PRKCA: variants seen among roughly 807,000 people sequenced by gnomAD.
PRKCA encodes protein kinase C alpha, also known as protein kinase C alpha type.
In PRKCA, 27 loss-of-function variants were observed where a neutral mutation model predicts 87.0. The ratio of observed to expected loss-of-function variants is 0.31; its 90% CI spans 0.23 to 0.43. The LOEUF is 0.43. PRKCA is among the 20% of genes least tolerant of loss of function. The probability of loss-of-function intolerance (pLI) is 1.00; values close to 1 mark genes in which losing one functional copy is unlikely to be tolerated. For missense variants in PRKCA, 518 were observed against 852.3 expected, an observed-to-expected ratio of 0.61 and a Z score of 4.88; for synonymous variants, 329 against 311.1, an observed-to-expected ratio of 1.06 and a Z score of -0.61.
At chr17:66,618,996 T>C (rs1243304218) in intron 3 of PRKCA, among the ~76,000 whole-genome samples, 1 of 152,218 alleles carries the variant, frequency 6.6e-6, no homozygotes, top group African/African-American at 2.4e-5. Context: ...GTTGATCTCA[T>C]TGGGCATAAT....
chr17:66,613,897 C>T (rs182851992), intron 3 of PRKCA, among the ~76,000 whole-genome samples: 2 of 145,500 alleles, frequency 1.4e-5, no homozygotes, highest in East Asian at 4.1e-4. Context: ...ATTCTTGTGC[C>T]TCAGCCTCCC....
intron 2 of PRKCA, among the ~76,000 whole-genome samples, chr17:66,472,791 A>G (rs967923456): frequency 8.5e-5 from 13 of 152,196 alleles, no homozygotes; most frequent in Admixed American, 3.3e-4. Context: ...CTCGAGTTCC[A>G]TGGGAAATGA....
At chr17:66,455,428 G>A (rs1207710568) in intron 2 of PRKCA, among the ~76,000 whole-genome samples, 1 of 152,156 alleles carries the variant, frequency 6.6e-6, no homozygotes, top group Non-Finnish European at 1.5e-5. Flanking sequence ...GTCCCCCGAA[G>A]CACTTTGAAC....
chr17:66,724,788 C>T (rs140168969), intron 8 of PRKCA, among the ~76,000 whole-genome samples: 19 of 152,268 alleles, frequency 1.2e-4, no homozygotes, highest in Non-Finnish European at 2.6e-4. Flanking sequence ...TATCCCTAGA[C>T]GTATATTGAT....
chr17:66,351,391 T>C (rs1307593668), intron 2 of PRKCA, among the ~76,000 whole-genome samples: 1 of 152,192 alleles, frequency 6.6e-6, no homozygotes, highest in Non-Finnish European at 1.5e-5. Flanking sequence ...TTGGTTCCTA[T>C]GGTATGTGTT....
intron 3 of PRKCA, among the ~76,000 whole-genome samples, chr17:66,541,077 C>T (rs1967971003): frequency 6.6e-6 from 1 of 152,166 alleles, no homozygotes; most frequent in Non-Finnish European, 1.5e-5. Flanking sequence ...ACCATTCCAG[C>T]TACAGGGGAG....
intron 13 of PRKCA, among the ~76,000 whole-genome samples, chr17:66,761,536 A>T (rs1974685197): frequency 6.6e-6 from 1 of 151,634 alleles, no homozygotes; most frequent in African/African-American, 2.4e-5. Flanking sequence ...GGCTCACTGC[A>T]ACCTCTACCT....
chr17:66,621,867 C>T (rs1598821611), intron 3 of PRKCA, among the ~76,000 whole-genome samples: 1 of 152,234 alleles, frequency 6.6e-6, no homozygotes, highest in East Asian at 1.9e-4. Context: ...CAGGATTTTG[C>T]AGCTAAATTC....
chr17:66,409,322 G>C (rs1056753793), intron 2 of PRKCA, among the ~76,000 whole-genome samples: 3 of 152,128 alleles, frequency 2.0e-5, no homozygotes, highest in South Asian at 4.1e-4. Flanking sequence ...TGTCTAACTT[G>C]TGCCTTCTCT....
At chr17:66,416,973 A>C (rs1912194119) in intron 2 of PRKCA, 1 of 154,802 alleles carries the variant, frequency 6.5e-6, no homozygotes, top group African/African-American at 2.4e-5. Flanking sequence ...ATCTCGGCTC[A>C]CTGCAACCTC....
intron 5 of PRKCA, among the ~76,000 whole-genome samples, chr17:66,678,595 C>G (rs1972399815): frequency 6.6e-6 from 1 of 151,936 alleles, no homozygotes; most frequent in Non-Finnish European, 1.5e-5. Flanking sequence ...GGCAGGCACC[C>G]CACACCTTTT....
intron 13 of PRKCA, among the ~76,000 whole-genome samples, chr17:66,744,897 G>A (rs1403284291): frequency 6.6e-6 from 1 of 152,072 alleles, no homozygotes; most frequent in Non-Finnish European, 1.5e-5. Flanking sequence ...TTGGTTCGTG[G>A]TGTCTTCTTC....
intron 2 of PRKCA, among the ~76,000 whole-genome samples, chr17:66,317,007 T>A (rs1905354968): frequency 6.6e-6 from 1 of 152,020 alleles, no homozygotes; most frequent in South Asian, 2.1e-4. Flanking sequence ...CTGGGCGCGG[T>A]GGCGGGCGCC....
chr17:66,711,427 A>G (rs1208826993), intron 8 of PRKCA, among the ~76,000 whole-genome samples: 1 of 152,140 alleles, frequency 6.6e-6, no homozygotes, highest in Non-Finnish European at 1.5e-5. Flanking sequence ...TCATTTTTTA[A>G]TGTTTTCCCA....
At position 66,809,497 on chromosome 17, in the gene PRKCA, TC is replaced by T. The variant is rs2144465248; in HGVS notation, c.*5461del. On this transcript the variant is annotated 3_prime_UTR_variant, in exon 17 of 17. Coordinates refer to ENST00000413366, the MANE Select transcript of PRKCA (RefSeq NM_002737.3). The stretch of plus-strand genomic sequence containing the variant: ...TTTTATAGAGAACTTTAATAATAAT[TC>T]TTTAAAAATGAGTTTTTAGAACAAA... The T allele has an allele frequency of 6.6e-6, 1 of 152,474 alleles. No homozygotes were observed. Among genetic ancestry groups the T allele is most frequent in the South Asian group, 2.1e-4 (1 of 4,828 alleles). The allele number at this position is 152,474 out of a possible 1,614,324, so 9.4% of individuals were successfully genotyped here. A position where few individuals can be genotyped will look rare whatever the true frequency, so the allele number is the denominator to read the frequency against.
intron 3 of PRKCA, among the ~76,000 whole-genome samples, chr17:66,635,345 C>T (rs967216463): frequency 1.3e-5 from 2 of 152,196 alleles, no homozygotes; most frequent in Admixed American, 6.5e-5. Context: ...TGGTGTTCAC[C>T]TTATCTGTCC....
intron 3 of PRKCA, among the ~76,000 whole-genome samples, chr17:66,610,837 G>C (rs1033019626): frequency 6.6e-6 from 1 of 152,092 alleles, no homozygotes; most frequent in Non-Finnish European, 1.5e-5. Context: ...AATTGCGGAG[G>C]GCTAGTTGGG....
At chr17:66,588,915 A>G (rs954318161) in intron 3 of PRKCA, among the ~76,000 whole-genome samples, 1 of 152,104 alleles carries the variant, frequency 6.6e-6, no homozygotes, top group Admixed American at 6.5e-5. Flanking sequence ...TGCTAGGATT[A>G]CAGACATGAG....
intron 3 of PRKCA, among the ~76,000 whole-genome samples, chr17:66,549,488 G>A (rs957114550): frequency 1.3e-5 from 2 of 152,192 alleles, no homozygotes; most frequent in Non-Finnish European, 2.9e-5. Context: ...CTTAGAGGAG[G>A]TTGGTACCTC....
Sources: gnomAD v4.1 joint callset for allele counts (sites outside exome capture counted in the v4.1 genomes callset) on GRCh38, gnomAD v4.1.1 for gene constraint, MANE v1.5 for transcripts, NCBI Gene and HGNC (gene_info 2026-07-23, HGNC 2026-07-21) for gene names.